Variants in TMEM182 observed in about 807,000 individuals in gnomAD.
TMEM182 encodes transmembrane protein 182.
In TMEM182, 20 loss-of-function variants were observed where a neutral mutation model predicts 26.8. The observed-to-expected ratio is 0.75, with a 90% CI of 0.53 to 1.09. The LOEUF (loss-of-function observed/expected upper bound fraction) is 1.09, where lower values mean the gene tolerates loss of function less well. Ranked by LOEUF, TMEM182 falls within the 50% of genes least tolerant of loss-of-function variation. The pLI is 0.00. For missense variants in TMEM182, 277 were observed against 275.5 expected (o/e 1.01, Z -0.04); for synonymous variants, 109 against 102.2 (o/e 1.07, Z -0.40).
chr2:102,765,815 CAT>C (rs144205626), intron 3 of TMEM182, among the ~76,000 whole-genome samples: 218 of 152,300 alleles, frequency 1.4e-3, no homozygotes, highest in Non-Finnish European at 2.5e-3. Flanking sequence ...TCCTTGAAAA[CAT>C]GTGTGGTATG....
At chr2:102,758,265 C>T (rs1023598807), upstream of TMEM182, 6 of 502,134 alleles carry the variant, frequency 1.2e-5, no homozygotes, top group African/African-American at 4.0e-5. Flanking sequence ...GAACCTATGT[C>T]TCAGTTTGTA....
intron 3 of TMEM182, among the ~76,000 whole-genome samples, chr2:102,781,848 A>G (rs970256640): frequency 2.6e-5 from 4 of 152,294 alleles, no homozygotes; most frequent in East Asian, 1.9e-4. Context: ...TATATCATTC[A>G]TAAAAGGTAA....
chr2:102,798,091 A>G (rs1681959478), intron 4 of TMEM182, 91 bp downstream of exon 4: 2 of 1,420,124 alleles, frequency 1.4e-6, no homozygotes, highest in Non-Finnish European at 1.9e-6. Flanking sequence ...TCAGCCTTCT[A>G]GTAACAGTAA....
At chr2:102,805,709 C>G (rs973936302) in intron 4 of TMEM182, among the ~76,000 whole-genome samples, 1 of 151,992 alleles carries the variant, frequency 6.6e-6, no homozygotes, top group Admixed American at 6.6e-5. Context: ...CATCATTAAT[C>G]TTTATCCTGA....
At chr2:102,818,056 G>T (rs866125813), downstream of TMEM182, among the ~76,000 whole-genome samples, 18 of 152,170 alleles carry the variant, frequency 1.2e-4, no homozygotes, top group Non-Finnish European at 2.4e-4. Flanking sequence ...AAATTGGCTG[G>T]ATATGTCTGA....
Position 102,797,903 on chromosome 2 carries a change from A to G in TMEM182, c.372A>G (p.Val124=). 1 of 1,613,998 alleles carries G rather than the reference A, an allele frequency of 6.2e-7. No homozygotes were observed. The highest frequency in any genetic ancestry group is 8.5e-7 in the Non-Finnish European group (1 of 1,179,984). Reference sequence around the variant, plus strand: ...GGGCAGTCCTGATGCTCCTGGGGGTAGTTGCTGTAGTCATCGCAAGCTTTT... The same window carrying G: ...GGGCAGTCCTGATGCTCCTGGGGGTGGTTGCTGTAGTCATCGCAAGCTTTT... ...GFWAVLMLLG[V]VAVVIASFLI... is the part of the protein sequence containing the mutation. Residue 124 remains valine, a synonymous_variant, in exon 4 of 5, where the codon GTA becomes GTG. Coordinates refer to ENST00000412401, the MANE Select transcript of TMEM182 (RefSeq NM_144632.5).
chr2:102,791,664 A>C (rs577375757), intron 3 of TMEM182, among the ~76,000 whole-genome samples: 1 of 152,264 alleles, frequency 6.6e-6, no homozygotes, highest in African/African-American at 2.4e-5. Flanking sequence ...GCTTTCCTTT[A>C]ATTATCCACA....
At chr2:102,804,708 A>T (rs1012234810) in intron 4 of TMEM182, among the ~76,000 whole-genome samples, 4 of 152,138 alleles carry the variant, frequency 2.6e-5, no homozygotes, top group Admixed American at 6.5e-5. Context: ...GACTTAACAT[A>T]TTAAGAGCTC....
At chr2:102,838,360 T>C (rs560578212) in intron 3 of TMEM182, among the ~76,000 whole-genome samples, 2 of 152,298 alleles carry the variant, frequency 1.3e-5, no homozygotes, top group African/African-American at 4.8e-5. Flanking sequence ...ATTTTCACAA[T>C]GTGTGTAGCA....
Position 102,826,499 on chromosome 2 carries a change from G to A in TMEM182, c.326-16913G>A, listed in dbSNP as rs76246101. On this transcript the variant is annotated intron_variant, in intron 3 of 3. Coordinates refer to the TMEM182 transcript ENST00000486293. ...TCAGTCTCCTCATCCATGAAGCAGGGACAATGAAAATGTTCATGCAACGTG... is the reference window on the plus strand; with the variant it reads ...TCAGTCTCCTCATCCATGAAGCAGGAACAATGAAAATGTTCATGCAACGTG... Among the ~76,000 whole-genome samples the A allele has an allele frequency of 2.1e-3, 317 of 152,038 alleles. 2 individuals are homozygous for A. The highest frequency in any genetic ancestry group is 7.3e-3 in the African/African-American group (302 of 41,464).
At chr2:102,750,833 G>A (rs940788328) in intron 1 of TMEM182, among the ~76,000 whole-genome samples, 7 of 152,158 alleles carry the variant, frequency 4.6e-5, no homozygotes, top group Non-Finnish European at 7.3e-5. Context: ...GTATGAGTCC[G>A]CTAGGACTGC....
chr2:102,811,343 G>A (rs116716020), intron 4 of TMEM182, among the ~76,000 whole-genome samples: 1,953 of 152,272 alleles, frequency 0.013, 33 homozygotes, highest in Non-Finnish European at 0.018. Flanking sequence ...AATTTGTCAT[G>A]TCACTGGTGA....
chr2:102,806,019 A>G (rs1237947209), intron 4 of TMEM182, among the ~76,000 whole-genome samples: 1 of 152,186 alleles, frequency 6.6e-6, no homozygotes, highest in Non-Finnish European at 1.5e-5. Context: ...TATGTGTCTC[A>G]TTACTATCTA....
chr2:102,765,799 C>A (rs1439810186), intron 3 of TMEM182, among the ~76,000 whole-genome samples: 5 of 152,270 alleles, frequency 3.3e-5, no homozygotes, highest in African/African-American at 1.2e-4. Flanking sequence ...AGGACTGGGA[C>A]CATTTTCCTT....
chr2:102,793,448 A>T (rs1314123495), intron 3 of TMEM182, among the ~76,000 whole-genome samples: 1 of 152,132 alleles, frequency 6.6e-6, no homozygotes, highest in Non-Finnish European at 1.5e-5. Flanking sequence ...ATTTAAAGAG[A>T]TGTTCCAACC....
chr2:102,826,111 A>G (rs1683025788), intron 3 of TMEM182, among the ~76,000 whole-genome samples: 1 of 152,162 alleles, frequency 6.6e-6, no homozygotes, highest in African/African-American at 2.4e-5. Context: ...GAACCATTAA[A>G]TGGGACCATG....
At chr2:102,831,429 G>A (rs969726460) in intron 3 of TMEM182, among the ~76,000 whole-genome samples, 6 of 152,140 alleles carry the variant, frequency 3.9e-5, no homozygotes, top group African/African-American at 1.2e-4. Context: ...CTGCATACAC[G>A]ACCGATGTGT....
At chr2:102,792,454 G>T (rs73944425) in intron 3 of TMEM182, among the ~76,000 whole-genome samples, 2,242 of 152,212 alleles carry the variant, frequency 0.015, 51 homozygotes, top group African/African-American at 0.051. Context: ...GTTCCCAAAT[G>T]AATGTGCTTA....
chr2:102,769,045 G>C (rs1227373419), intron 3 of TMEM182, among the ~76,000 whole-genome samples: 1 of 152,160 alleles, frequency 6.6e-6, no homozygotes, highest in Non-Finnish European at 1.5e-5. Context: ...ATCCTTGGGG[G>C]TGGACAGTCA....
Sources: gnomAD v4.1 joint callset for allele counts (sites outside exome capture counted in the v4.1 genomes callset) on GRCh38, gnomAD v4.1.1 for gene constraint, MANE v1.5 for transcripts, NCBI Gene and HGNC (gene_info 2026-07-23, HGNC 2026-07-21) for gene names.